The following CCDC171 variants were observed in gnomAD, a reference collection of about 807,000 sequenced individuals.
CCDC171 encodes coiled-coil domain containing 171.
CCDC171 carries 177 observed loss-of-function variants against 168.2 expected under a neutral mutation model. The observed-to-expected ratio is 1.05, with a 90% CI of 0.93 to 1.19. CCDC171 has a LOEUF of 1.19. CCDC171 is among the 50% of genes most tolerant of loss of function. The probability of loss-of-function intolerance (pLI) is 0.00; values close to 1 mark genes in which losing one functional copy is unlikely to be tolerated. For missense variants in CCDC171, 1,991 were observed against 1,539.0 expected, an observed-to-expected ratio of 1.29 and a Z score of -4.91; for synonymous variants, 687 against 540.8, an observed-to-expected ratio of 1.27 and a Z score of -3.75.
At chr9:15,837,521 A>G (rs947480023) in intron 21 of CCDC171, among the ~76,000 whole-genome samples, 2 of 152,222 alleles carry the variant, frequency 1.3e-5, no homozygotes, top group African/African-American at 2.4e-5. Flanking sequence ...TCCCCAGAAT[A>G]TATATTTTTC....
chr9:15,982,449 C>T (rs765875089), intron 3 of CCDC171, among the ~76,000 whole-genome samples: 17 of 151,972 alleles, frequency 1.1e-4, no homozygotes, highest in Non-Finnish European at 8.8e-5. Context: ...AGCCAAATGG[C>T]ACACAGTAGT....
chr9:16,092,720 T>G, the CCDC171 span, among the ~76,000 whole-genome samples: 1 of 152,334 alleles, frequency 6.6e-6, no homozygotes, highest in Non-Finnish European at 1.5e-5. Flanking sequence ...CTCTGGGTCC[T>G]TTTGCAAGTT....
In CCDC171 at chr9:15,634,098, C is replaced by T. The variant is rs1034829598; in HGVS notation, c.822+10685C>T. On this transcript the variant is annotated intron_variant, in intron 7 of 25. Coordinates refer to ENST00000380701, the MANE Select transcript of CCDC171 (RefSeq NM_173550.4). ...CTAAATGATGAGTTAATGGGTGCAG[C>T]GCACCAGCATGGCACATGTTTACAT... Among the ~76,000 whole-genome samples, 12 of 151,948 alleles carry T rather than the reference C, an allele frequency of 7.9e-5. No homozygotes were observed. In the East Asian group the frequency reaches 9.6e-4, roughly 12 times the overall value.
chr9:16,077,656 G>A, the CCDC171 span, among the ~76,000 whole-genome samples: 1 of 152,178 alleles, frequency 6.6e-6, no homozygotes, highest in Non-Finnish European at 1.5e-5. Context: ...CTGAAGCTCA[G>A]CCTACATCAG....
intron 3 of CCDC171, among the ~76,000 whole-genome samples, chr9:15,574,683 G>T (rs2040497156): frequency 6.6e-6 from 1 of 152,220 alleles, no homozygotes; most frequent in Non-Finnish European, 1.5e-5. Flanking sequence ...AAGGCAGAGA[G>T]GAATGCAGTG....
chr9:15,967,200 C>T (rs1036248562), intron 25 of CCDC171, among the ~76,000 whole-genome samples: 4 of 152,122 alleles, frequency 2.6e-5, no homozygotes, highest in Non-Finnish European at 5.9e-5. Flanking sequence ...GGTAAGAGCA[C>T]GTTAGGAACC....
At chr9:15,742,610 C>G (rs913306839) in intron 16 of CCDC171, among the ~76,000 whole-genome samples, 1 of 152,150 alleles carries the variant, frequency 6.6e-6, no homozygotes, top group Non-Finnish European at 1.5e-5. Flanking sequence ...TGTGGGCCAC[C>G]ACTTGCTTTA....
chr9:15,578,734 A>T (rs183372130), intron 3 of CCDC171, 115 bp from the exon 4 acceptor site: 1 of 608,564 alleles, frequency 1.6e-6, no homozygotes, highest in Non-Finnish European at 2.6e-6. Context: ...ATATAAATTT[A>T]TAAATTTTTG....
chr9:15,675,224 G>T (rs1587892181), intron 9 of CCDC171, among the ~76,000 whole-genome samples: 2 of 56,450 alleles, frequency 3.5e-5, no homozygotes, highest in Non-Finnish European at 6.6e-5. Context: ...CCATTTGCTT[G>T]GTAGATCTTC....
At chr9:15,560,362 A>G (rs1048101095) in intron 1 of CCDC171, among the ~76,000 whole-genome samples, 11 of 152,132 alleles carry the variant, frequency 7.2e-5, no homozygotes, top group African/African-American at 2.2e-4. Context: ...TTTCAGGTAC[A>G]CCAATCAGAC....
At chr9:15,862,777 A>G (rs2131007479) in intron 23 of CCDC171, among the ~76,000 whole-genome samples, 1 of 152,196 alleles carries the variant, frequency 6.6e-6, no homozygotes, top group African/African-American at 2.4e-5. Flanking sequence ...TAAAGGCTCC[A>G]GGGTTCTAGA....
intron 16 of CCDC171, among the ~76,000 whole-genome samples, chr9:15,737,210 A>G (rs1190554359): frequency 6.6e-6 from 1 of 152,178 alleles, no homozygotes; most frequent in Non-Finnish European, 1.5e-5. Flanking sequence ...TACCAAATAT[A>G]TAGCACACTG....
chr9:16,073,082 ATC>A, the CCDC171 span, among the ~76,000 whole-genome samples: 1 of 152,192 alleles, frequency 6.6e-6, no homozygotes, highest in African/African-American at 2.4e-5. Context: ...ATTTTTAAAA[ATC>A]TCTATTTTGC....
chr9:15,956,780 G>C (rs1829838178), intron 25 of CCDC171, among the ~76,000 whole-genome samples: 1 of 152,104 alleles, frequency 6.6e-6, no homozygotes, highest in Admixed American at 6.6e-5. Context: ...TTGTCCATAA[G>C]TGCATGTTTA....
At chr9:15,816,709 G>A (rs2059573200) in intron 21 of CCDC171, among the ~76,000 whole-genome samples, 1 of 118,418 alleles carries the variant, frequency 8.4e-6, no homozygotes, top group Non-Finnish European at 1.9e-5. Context: ...GATCAGATGT[G>A]AATGTCAGAG....
chr9:15,942,665 T>C (rs969674854), intron 25 of CCDC171, among the ~76,000 whole-genome samples: 3 of 151,956 alleles, frequency 2.0e-5, no homozygotes, highest in Non-Finnish European at 4.4e-5. Flanking sequence ...TTTTAAGTTC[T>C]AAGTTCAGGT....
At chr9:15,793,389 C>T (rs1266714476) in intron 21 of CCDC171, among the ~76,000 whole-genome samples, 2 of 151,846 alleles carry the variant, frequency 1.3e-5, no homozygotes, top group Admixed American at 1.3e-4. Flanking sequence ...ACTTTAACAC[C>T]CCACTGTCAG....
intron 3 of CCDC171, among the ~76,000 whole-genome samples, chr9:16,011,781 A>C (rs1832875787): frequency 6.6e-6 from 1 of 152,216 alleles, no homozygotes; most frequent in African/African-American, 2.4e-5. Flanking sequence ...TAATTAGGAA[A>C]CAGATAAACA....
At chr9:16,107,771 G>A in the CCDC171 span, among the ~76,000 whole-genome samples, 5 of 151,848 alleles carry the variant, frequency 3.3e-5, no homozygotes, top group Non-Finnish European at 5.9e-5. Context: ...TTTTCATCTC[G>A]TTCCACATGG....
Sources: gnomAD v4.1 joint callset for allele counts (sites outside exome capture counted in the v4.1 genomes callset) on GRCh38, gnomAD v4.1.1 for gene constraint, MANE v1.5 for transcripts, NCBI Gene and HGNC (gene_info 2026-07-23, HGNC 2026-07-21) for gene names.